SNRPD3: variants seen among roughly 807,000 people sequenced by gnomAD.
The protein encoded by SNRPD3 is small nuclear ribonucleoprotein Sm D3.
For synonymous variants in SNRPD3, 66 were observed against 58.4 expected, an observed-to-expected ratio of 1.13 and a Z score of -0.59; for missense variants, 73 against 167.5, an observed-to-expected ratio of 0.44 and a Z score of 3.11.
chr22:24,563,650 A>G (rs1169206659), intron 2 of SNRPD3, among the ~76,000 whole-genome samples: 2 of 152,370 alleles, frequency 1.3e-5, no homozygotes, highest in East Asian at 1.9e-4. Flanking sequence ...CCATTTCACT[A>G]CATTCAAAAT....
rs774868985 is a variant in SNRPD3 at position 24,572,050 on chromosome 22, C to CATAT, written c.*76_*79dup. 33 of 1,597,508 alleles carry CATAT rather than the reference C, an allele frequency of 2.1e-5. 1 individual carries two copies. In the South Asian group the frequency reaches 3.7e-4, roughly 18 times the overall value. ...GAGTTCATTGGAGTGGGTGCTTGTG[C>CATAT]ATATATGCTAGGTATCTTTTGCCAT... On this transcript the variant is annotated 3_prime_UTR_variant, in exon 4 of 4. Transcript: ENST00000215829.
At position 24,556,041 on chromosome 22, in the gene SNRPD3, G is replaced by C. The variant is rs1362719357; in HGVS notation, c.-49G>C. 1 of 621,906 alleles carries C rather than the reference G, an allele frequency of 1.6e-6. No homozygotes were observed. 38.5% of individuals were successfully genotyped at this position (621,906 alleles called of 1,614,324 possible). On this transcript the variant is annotated 5_prime_UTR_variant, in exon 1 of 4. Coordinates refer to ENST00000215829, the MANE Select transcript of SNRPD3 (RefSeq NM_004175.5). ...CTTCGCCGTAGCATCTTTCGCAGCG[G>C]ACCGAAGAGAAGAAAAGTAGGCCAG...
chr22:24,556,952 C>T (rs2045077672), intron 1 of SNRPD3, among the ~76,000 whole-genome samples: 1 of 152,180 alleles, frequency 6.6e-6, no homozygotes, highest in South Asian at 2.1e-4. Flanking sequence ...GCATATAGCA[C>T]GTTGTCACTT....
chr22:24,570,107 C>T (rs1012977077), intron 3 of SNRPD3, among the ~76,000 whole-genome samples: 2 of 152,228 alleles, frequency 1.3e-5, no homozygotes, highest in Non-Finnish European at 1.5e-5. Context: ...GGAAACCCCG[C>T]GAGGCCTGTC....
intron 2 of SNRPD3, among the ~76,000 whole-genome samples, chr22:24,567,234 C>CAGG (rs1227427417): frequency 6.6e-6 from 1 of 152,312 alleles, no homozygotes; most frequent in East Asian, 1.9e-4. Context: ...CCTTTGAAAT[C>CAGG]TGAGTGCCAG....
chr22:24,560,691 C>T (rs2330884), intron 2 of SNRPD3, among the ~76,000 whole-genome samples: 125,719 of 133,858 alleles, frequency 0.94, 59,431 homozygotes, highest in Non-Finnish European at 0.99. Flanking sequence ...GCTAGGATTA[C>T]AGGCGTGAGC....
intron 2 of SNRPD3, among the ~76,000 whole-genome samples, chr22:24,560,720 T>C (rs1167289631): frequency 0.56 from 3,155 of 5,594 alleles, 662 homozygotes; most frequent in Middle Eastern, 0.71. Context: ...CTGGCCTTTT[T>C]TTTTTTTTTT....
intron 2 of SNRPD3, among the ~76,000 whole-genome samples, chr22:24,564,371 A>G (rs1434790304): frequency 6.6e-6 from 1 of 152,108 alleles, no homozygotes; most frequent in Admixed American, 6.5e-5. Context: ...GGCTTATACC[A>G]TATGTGTTTC....
chr22:24,556,119 C>T, intron 1 of SNRPD3, 48 bp downstream of exon 1: 1 of 542,402 alleles, frequency 1.8e-6, no homozygotes, highest in Non-Finnish European at 3.3e-6. Context: ...TGTGAGGGGC[C>T]AGGGGCTGGA....
intron 1 of SNRPD3, 102 bp downstream of exon 1, chr22:24,556,173 GA>G (rs981379006): frequency 6.8e-5 from 28 of 409,118 alleles, no homozygotes; most frequent in African/African-American, 5.4e-4. Context: ...GGGGAGGGAA[GA>G]AAGCGGGAAG....
At position 24,572,467 on chromosome 22, in the gene SNRPD3, A is replaced by G. The variant is rs1239469903; in HGVS notation, c.*490A>G. The G allele has an allele frequency of 7.0e-6, 2 of 286,066 alleles. No homozygotes were observed. The highest frequency in any genetic ancestry group is 1.3e-5 in the Non-Finnish European group (2 of 150,502). The allele number at this position is 286,066 out of a possible 1,614,324, so 17.7% of individuals were successfully genotyped here. On this transcript the variant is annotated 3_prime_UTR_variant, in exon 4 of 4. Coordinates refer to ENST00000215829, the MANE Select transcript of SNRPD3 (RefSeq NM_004175.5). Reference sequence around the variant, plus strand: ...GGTGACTCTTTCCCTTGATAAAGTCATAGGTAATTCAGGGGCTGGGTGCGG... The same window carrying G: ...GGTGACTCTTTCCCTTGATAAAGTCGTAGGTAATTCAGGGGCTGGGTGCGG...
intron 2 of SNRPD3, chr22:24,558,069 T>C (rs1194359072): frequency 7.4e-6 from 2 of 268,680 alleles, no homozygotes; most frequent in African/African-American, 2.3e-5. Flanking sequence ...GGGGGTCTAT[T>C]TGGGAGAAGT....
chr22:24,571,454 G>A (rs911652357), intron 3 of SNRPD3, among the ~76,000 whole-genome samples: 10 of 152,098 alleles, frequency 6.6e-5, no homozygotes, highest in African/African-American at 2.4e-4. Context: ...TGCAGTGGCT[G>A]TCAGCTGGAC....
At chr22:24,561,064 CT>C (rs1164120857) in intron 2 of SNRPD3, among the ~76,000 whole-genome samples, 2,897 of 61,736 alleles carry the variant, frequency 0.047, 14 homozygotes, top group South Asian at 0.097. Context: ...TTTTTCTTTT[CT>C]TTTTTTTTTT....
chr22:24,567,934 A>C (rs776846444), intron 2 of SNRPD3, 50 bp from the exon 3 acceptor site: 18 of 1,454,792 alleles, frequency 1.2e-5, no homozygotes, highest in Non-Finnish European at 1.6e-5. Context: ...GGCCCTCCCC[A>C]CCGCTGGTGC....
At position 24,559,590 on chromosome 22, in the gene SNRPD3, T is replaced by C. The variant is rs540148177; in HGVS notation, c.126+1790T>C. 8.0e-4 allele frequency among the ~76,000 whole-genome samples: 122 copies of C among 152,304 alleles called. 2 individuals carry two copies. Among genetic ancestry groups the C allele is most frequent in the African/African-American group, 2.8e-3 (116 of 41,546 alleles). ...CAACATGACACAAAGTGCACAGACCTTGGTGTCCGACAGACCTGGAATCAG... is the reference window on the plus strand; with the variant it reads ...CAACATGACACAAAGTGCACAGACCCTGGTGTCCGACAGACCTGGAATCAG... On this transcript the variant is annotated intron_variant, in intron 2 of 3. Coordinates refer to ENST00000215829, the MANE Select transcript of SNRPD3 (RefSeq NM_004175.5).
rs571602900 is a variant in SNRPD3, at chr22:24,556,569, C to T, written c.-19+498C>T. ...CCCAGTCCCCTTTCAGGCAATGGTCCCCTCATGCTTTCCACACTGTTGCAG... is the reference window on the plus strand; with the variant it reads ...CCCAGTCCCCTTTCAGGCAATGGTCTCCTCATGCTTTCCACACTGTTGCAG... On this transcript the variant is annotated intron_variant, in intron 1 of 3. Coordinates refer to ENST00000215829, the MANE Select transcript of SNRPD3 (RefSeq NM_004175.5). Among the ~76,000 whole-genome samples, 21 of 152,278 alleles carry T rather than the reference C, an allele frequency of 1.4e-4. No homozygotes were observed. The East Asian group carries it at 3.9e-3, about 28-fold the overall frequency.
At chr22:24,563,984 G>A (rs190742905) in intron 2 of SNRPD3, among the ~76,000 whole-genome samples, 2 of 106,212 alleles carry the variant, frequency 1.9e-5, no homozygotes, top group East Asian at 6.4e-4. Context: ...TAGCCCTCTA[G>A]GTTGAAGGAA....
intron 2 of SNRPD3, among the ~76,000 whole-genome samples, chr22:24,565,488 C>T (rs1015662084): frequency 2.0e-5 from 3 of 152,128 alleles, no homozygotes; most frequent in African/African-American, 7.2e-5. Context: ...TTTCAAAACT[C>T]AGCTTTGTAG....
Sources: allele counts gnomAD v4.1 joint callset (sites outside exome capture counted in the v4.1 genomes callset), GRCh38; gene constraint gnomAD v4.1.1; transcripts MANE v1.5; gene names NCBI Gene and HGNC (gene_info 2026-07-23, HGNC 2026-07-21).